Variants in SARS2 observed in about 807,000 individuals in gnomAD.
SARS2 encodes serine--tRNA ligase, mitochondrial.
A neutral mutation model predicts 66.8 loss-of-function variants in SARS2; 52 were observed. The ratio of observed to expected loss-of-function variants is 0.78; its 90% CI spans 0.62 to 0.98. The LOEUF (loss-of-function observed/expected upper bound fraction) is 0.98, where lower values mean the gene tolerates loss of function less well. SARS2 is among the 50% of genes least tolerant of loss of function. The pLI is 0.00. For synonymous variants in SARS2, 306 were observed against 281.4 expected (o/e 1.09, Z -0.87); for missense variants, 673 against 706.3 (o/e 0.95, Z 0.53).
intron 7 of SARS2, among the ~76,000 whole-genome samples, chr19:38,919,342 T>C (rs1377368488): frequency 1.3e-5 from 2 of 152,192 alleles, no homozygotes; most frequent in Non-Finnish European, 2.9e-5. Context: ...AAGCCTCCCA[T>C]GGCTCCCTAG....
intron 5 of SARS2, 24 bp from the exon 6 acceptor site, chr19:38,920,173 G>A (rs1189181715): frequency 1.9e-6 from 3 of 1,549,600 alleles, no homozygotes; most frequent in Admixed American, 3.9e-5. Context: ...AAAAGCACCG[G>A]TGTAAGGCAG....
At chr19:38,929,313 G>C (rs369321366) in intron 1 of SARS2, among the ~76,000 whole-genome samples, 2 of 151,084 alleles carry the variant, frequency 1.3e-5, no homozygotes, top group African/African-American at 4.9e-5. Context: ...TCAGCATTTT[G>C]GGAGGCCAGG....
rs761049654 is a variant in SARS2, at chr19:38,921,575, C to A, written c.486G>T (p.Gln162His). 2 of 1,614,120 alleles carry A rather than the reference C, an allele frequency of 1.2e-6. No individual in the cohort carries two copies. Among genetic ancestry groups the A allele is most frequent in the Non-Finnish European group, 1.7e-6 (2 of 1,180,040 alleles). ...GCAGCTTCAGCGCCTGCAGGTAGAA[C>A]TGCTCCTCAAGCTGGGCCTCCCTGG... ...LYPREAQLEE[Q>H]FYLQALKLPN... Residue 162 changes from glutamine to histidine, a missense_variant, in exon 4 of 16, where the codon CAG becomes CAT. Physicochemically the swap from Gln to His is conservative, Grantham distance 24 (BLOSUM62 0). Transcript: ENST00000221431.
In SARS2 at chr19:38,920,280, GAGA is replaced by G. The variant is rs996086478; in HGVS notation, c.590-134_590-132del. On this transcript the variant is annotated intron_variant, in intron 5 of 15. Coordinates refer to ENST00000221431, the MANE Select transcript of SARS2 (RefSeq NM_017827.4). ...AAAGGAGGGGCAGGAGGAGAGAAGG[GAGA>G]AGAAGACACGGAAAGGGAGGGAAAG... 1.4e-4 allele frequency: 103 copies of G among 748,594 alleles called. 1 individual carries two copies. The highest frequency in any genetic ancestry group is 1.4e-3 in the African/African-American group (79 of 57,452). 46.4% of individuals were successfully genotyped at this position (748,594 alleles called of 1,614,324 possible).
chr19:38,915,671 G>C lies in SARS2; in HGVS notation c.1492C>G (p.Leu498Val). 2 of 1,613,340 alleles carry C rather than the reference G, an allele frequency of 1.2e-6. No individual in the cohort carries two copies. The highest frequency in any genetic ancestry group is 1.7e-6 in the Non-Finnish European group (2 of 1,179,688). ...DRITAPTHVPLQYIGPNQPRK... is the reference protein window; with the variant it reads ...DRITAPTHVPVQYIGPNQPRK... ...GGCTGGTTGGGGCCGATGTACTGGAGAGGCACGTGGGTAGGGGCTGTGATC... is the reference window on the plus strand; with the variant it reads ...GGCTGGTTGGGGCCGATGTACTGGACAGGCACGTGGGTAGGGGCTGTGATC... Residue 498 changes from leucine to valine, a missense_variant, in exon 16 of 16, where the codon CTC (leucine) becomes GTC (valine). Transcript: ENST00000221431.
At chr19:38,925,753 C>G (rs536391440) in intron 2 of SARS2, among the ~76,000 whole-genome samples, 1 of 152,232 alleles carries the variant, frequency 6.6e-6, no homozygotes, top group South Asian at 2.1e-4. Flanking sequence ...AATTAATCAG[C>G]CCTAGGGATG....
In SARS2 at chr19:38,921,686, G is replaced by T; in HGVS notation, c.394-19C>A. 2.5e-6 allele frequency: 4 copies of T among 1,613,666 alleles called. No individual in the cohort carries two copies. Among genetic ancestry groups the T allele is most frequent in the Non-Finnish European group, 3.4e-6 (4 of 1,179,862 alleles). ...TGGGGTCCTGGGGGCAGCACAGGTG[G>T]GCTCAGCCCGGGAGAGGGTCAGGAC... On this transcript the variant is annotated intron_variant, in intron 3 of 15. Coordinates refer to ENST00000221431, the MANE Select transcript of SARS2 (RefSeq NM_017827.4).
intron 6 of SARS2, 98 bp downstream of exon 6, chr19:38,919,988 C>A: frequency 7.3e-7 from 1 of 1,375,214 alleles, no homozygotes. Flanking sequence ...AGATTCATGG[C>A]ATTTCCACAT....
chr19:38,919,353 T>C (rs562826044), intron 7 of SARS2, among the ~76,000 whole-genome samples: 12 of 152,306 alleles, frequency 7.9e-5, no homozygotes, highest in African/African-American at 2.6e-4. Flanking sequence ...GGCTCCCTAG[T>C]ACCCTCTGAA....
intron 8 of SARS2, 37 bp downstream of exon 8, chr19:38,918,729 C>A: frequency 6.4e-7 from 1 of 1,553,460 alleles, no homozygotes; most frequent in Non-Finnish European, 8.7e-7. Context: ...GGGCCTGACA[C>A]CCAGGTGGGC....
Position 38,917,800 on chromosome 19 carries a change from C to A in SARS2, c.1084G>T (p.Glu362Ter), listed in dbSNP as rs1458746008. 2.5e-6 allele frequency: 4 copies of A among 1,614,000 alleles called. No individual in the cohort carries two copies. The highest frequency in any genetic ancestry group is 3.4e-6 in the Non-Finnish European group (4 of 1,179,978). The stretch of plus-strand genomic sequence containing the variant: ...TCCTCCAGCAGCTGTGAGCTCTGCT[C>A]CAGCCCAGGGCCTGTCACCCCAAAC... Reference protein sequence around the residue: ...EMFGVTGPGLEQSSQLLEEFL... With the variant: ...EMFGVTGPGL The change falls in exon 12 of 16, where the codon GAG becomes TAG. Residue 362 changes from glutamate to a stop codon, truncating the protein, a stop_gained. Coordinates refer to ENST00000221431, the MANE Select transcript of SARS2 (RefSeq NM_017827.4). LOFTEE classifies it high-confidence loss of function.
intron 13 of SARS2, 39 bp from the exon 14 acceptor site, chr19:38,916,168 G>A (rs765575189): frequency 3.1e-6 from 5 of 1,612,996 alleles, no homozygotes; most frequent in East Asian, 4.5e-5. Context: ...GATCAGGGAT[G>A]GGGGGCAGGC....
intron 6 of SARS2, 23 bp from the exon 7 acceptor site, chr19:38,919,890 G>C (rs768394629): frequency 6.3e-7 from 1 of 1,593,580 alleles, no homozygotes; most frequent in Non-Finnish European, 8.6e-7. Flanking sequence ...CAGACAGGCG[G>C]GTGCACATGG....
intron 5 of SARS2, among the ~76,000 whole-genome samples, chr19:38,921,088 G>C (rs111301930): frequency 1.2e-5 from 1 of 82,492 alleles, no homozygotes; most frequent in African/African-American, 4.9e-5. Context: ...CACAGATACA[G>C]ACACACATGA....
At chr19:38,924,131 CAA>C (rs56799985) in intron 2 of SARS2, among the ~76,000 whole-genome samples, 1 of 142,240 alleles carries the variant, frequency 7.0e-6, no homozygotes. Flanking sequence ...GACTCTGTCT[CAA>C]AAAAAAAAAA....
At chr19:38,916,165 G>A in intron 13 of SARS2, 36 bp from the exon 14 acceptor site, 1 of 1,613,184 alleles carries the variant, frequency 6.2e-7, no homozygotes, top group East Asian at 2.2e-5. Context: ...GCGGATCAGG[G>A]ATGGGGGGCA....
At chr19:38,930,406 T>C (rs1974713760) in intron 1 of SARS2, 64 bp downstream of exon 1, 1 of 1,528,822 alleles carries the variant, frequency 6.5e-7, no homozygotes, top group South Asian at 1.2e-5. Flanking sequence ...GGAGGGCATC[T>C]TGCAAACCCA....
At position 38,921,513 on chromosome 19, in the gene SARS2, A is replaced by G; in HGVS notation, c.534+14T>C. 3 of 1,614,156 alleles carry G rather than the reference A, an allele frequency of 1.9e-6. No homozygotes were observed. Among genetic ancestry groups the G allele is most frequent in the Non-Finnish European group, 2.5e-6 (3 of 1,179,996 alleles). On this transcript the variant is annotated intron_variant, in intron 4 of 15. Transcript: ENST00000221431. ...TGGGCCCCTGGCCTCCCTGCCACCC[A>G]GCACGGTGCTCACCACGTCTGGGTG...
rs1393759412 is a variant in SARS2 at position 38,915,465 on chromosome 19, C to T, written c.*141G>A. On this transcript the variant is annotated 3_prime_UTR_variant, in exon 16 of 16. Transcript: ENST00000221431. ...GCAAGGACAGAGGAGAGGTGGACCC[C>T]GTGGTCCAGGGGCCCGGGCGTGGAG... 1.8e-5 allele frequency: 17 copies of T among 926,066 alleles called. No individual in the cohort carries two copies. The highest frequency in any genetic ancestry group is 4.9e-5 in the East Asian group (2 of 40,860). 57.4% of individuals were successfully genotyped at this position (926,066 alleles called of 1,614,324 possible).
Sources: allele counts gnomAD v4.1 joint callset (sites outside exome capture counted in the v4.1 genomes callset), GRCh38; gene constraint gnomAD v4.1.1; transcripts MANE v1.5; gene names NCBI Gene and HGNC (gene_info 2026-07-23, HGNC 2026-07-21).